The following ADGRL3 variants were observed in gnomAD, a reference collection of about 807,000 sequenced individuals.
The protein encoded by ADGRL3 is calcium-independent alpha-latrotoxin receptor 3.
In ADGRL3, 62 loss-of-function variants were observed where a neutral mutation model predicts 153.5. The observed-to-expected ratio is 0.40, with a 90% CI of 0.33 to 0.50. ADGRL3 has a LOEUF of 0.50. ADGRL3 is among the 20% of genes least tolerant of loss of function. The probability of loss-of-function intolerance (pLI) is 0.47; values close to 1 mark genes in which losing one functional copy is unlikely to be tolerated. For synonymous variants in ADGRL3, 710 were observed against 672.5 expected (o/e 1.06, Z -0.86); for missense variants, 1,641 against 1,859.4 (o/e 0.88, Z 2.16).
intron 1 of ADGRL3, among the ~76,000 whole-genome samples, chr4:61,316,584 T>G (rs2095221860): frequency 6.6e-6 from 1 of 152,192 alleles, no homozygotes; most frequent in African/African-American, 2.4e-5. Flanking sequence ...ATCATCTGGT[T>G]GCTGTATGCA....
chr4:61,761,761 C>G (rs962590877), intron 8 of ADGRL3, among the ~76,000 whole-genome samples: 1 of 152,196 alleles, frequency 6.6e-6, no homozygotes, highest in East Asian at 1.9e-4. Flanking sequence ...GCGACCCCAT[C>G]TCTACAAAAA....
chr4:61,580,316 G>A lies in ADGRL3; in HGVS notation c.260-6911G>A, dbSNP rs530276718. On this transcript the variant is annotated intron_variant, in intron 4 of 26. Transcript: ENST00000683033. ...CAGTGAGATGCAGGGGCAAAAAATC[G>A]TTTTTAGCACCTATTAGTAATTCAA... is the stretch of plus-strand genomic sequence containing the variant. Among the ~76,000 whole-genome samples the A allele has an allele frequency of 1.6e-4, 24 of 151,958 alleles. No individual in the cohort carries two copies. The South Asian group carries it at 4.2e-3, about 26-fold the overall frequency.
chr4:61,996,183 C>A, intron 19 of ADGRL3, 108 bp from the exon 20 acceptor site: 1 of 690,124 alleles, frequency 1.4e-6, no homozygotes, highest in Non-Finnish European at 2.6e-6. Flanking sequence ...TTCCTGTCTC[C>A]CAGTGGAATG....
intron 2 of ADGRL3, chr4:61,420,131 A>T (rs1302788095): frequency 1.3e-5 from 2 of 152,020 alleles, no homozygotes; most frequent in Non-Finnish European, 2.9e-5. Context: ...CGATCTTTTT[A>T]ATTTCCTTTA....
intron 6 of ADGRL3, among the ~76,000 whole-genome samples, chr4:61,711,546 A>G (rs1307337018): frequency 6.9e-6 from 1 of 144,276 alleles, no homozygotes; most frequent in Non-Finnish European, 1.5e-5. Flanking sequence ...TAAAAGAAAA[A>G]CTTCAGGCAC....
At chr4:61,422,890 CTTGGT>C (rs1325674317) in intron 2 of ADGRL3, among the ~76,000 whole-genome samples, 1 of 151,784 alleles carries the variant, frequency 6.6e-6, no homozygotes, top group African/African-American at 2.4e-5. Context: ...GGGTTGCTAT[CTTGGT>C]TTGGCAAAAA....
chr4:61,911,562 G>A (rs2098721881), intron 12 of ADGRL3, among the ~76,000 whole-genome samples: 1 of 152,102 alleles, frequency 6.6e-6, no homozygotes, highest in Non-Finnish European at 1.5e-5. Flanking sequence ...TATCAGATTT[G>A]CAAAGTCAAC....
chr4:61,822,240 T>A (rs1239233556), intron 9 of ADGRL3, among the ~76,000 whole-genome samples: 1 of 152,192 alleles, frequency 6.6e-6, no homozygotes, highest in Non-Finnish European at 1.5e-5. Context: ...ATTTTTATTG[T>A]TATTTAGAGT....
chr4:61,781,595 A>G (rs1260906297), intron 8 of ADGRL3, among the ~76,000 whole-genome samples: 1 of 152,158 alleles, frequency 6.6e-6, no homozygotes, highest in African/African-American at 2.4e-5. Flanking sequence ...CAATTTAGAA[A>G]TGAAAATACA....
At chr4:62,019,336 T>C (rs1351688606) in intron 21 of ADGRL3, among the ~76,000 whole-genome samples, 2 of 152,082 alleles carry the variant, frequency 1.3e-5, no homozygotes, top group Non-Finnish European at 2.9e-5. Flanking sequence ...GTCATATGCA[T>C]ATATACATAT....
intron 8 of ADGRL3, among the ~76,000 whole-genome samples, chr4:61,765,471 G>C (rs1305142399): frequency 6.6e-6 from 1 of 152,088 alleles, no homozygotes; most frequent in African/African-American, 2.4e-5. Flanking sequence ...GTTTTTAAAA[G>C]ACCTTTAGTC....
At chr4:61,766,491 A>G (rs535292497) in intron 8 of ADGRL3, among the ~76,000 whole-genome samples, 2 of 152,126 alleles carry the variant, frequency 1.3e-5, no homozygotes, top group African/African-American at 2.4e-5. Context: ...CTCGCTAACC[A>G]TGCCTAGGAA....
At chr4:61,709,566 C>T (rs1275544302) in intron 6 of ADGRL3, among the ~76,000 whole-genome samples, 1 of 151,942 alleles carries the variant, frequency 6.6e-6, no homozygotes, top group Non-Finnish European at 1.5e-5. Context: ...GGGACTGAAG[C>T]AAAGAAAGAT....
intron 12 of ADGRL3, among the ~76,000 whole-genome samples, chr4:61,911,589 G>A (rs186495965): frequency 6.6e-6 from 1 of 152,038 alleles, no homozygotes; most frequent in Admixed American, 6.6e-5. Context: ...CAAATCAATC[G>A]TGCTCTGTAT....
intron 5 of ADGRL3, among the ~76,000 whole-genome samples, chr4:61,594,753 T>G (rs1278803712): frequency 6.6e-6 from 1 of 152,150 alleles, no homozygotes; most frequent in African/African-American, 2.4e-5. Flanking sequence ...GCCATTCCCT[T>G]CAAGGTAGTG....
chr4:61,407,836 A>G (rs1374347129), intron 2 of ADGRL3, among the ~76,000 whole-genome samples: 1 of 152,192 alleles, frequency 6.6e-6, no homozygotes, highest in Non-Finnish European at 1.5e-5. Flanking sequence ...TGAATTCACT[A>G]GAGAATGAAT....
At chr4:61,542,940 C>T (rs1265824469) in intron 4 of ADGRL3, among the ~76,000 whole-genome samples, 2 of 152,164 alleles carry the variant, frequency 1.3e-5, no homozygotes, top group Non-Finnish European at 1.5e-5. Flanking sequence ...GACTTCTCAG[C>T]ATTGTATGAC....
chr4:62,050,044 C>T (rs1733275938), intron 25 of ADGRL3, among the ~76,000 whole-genome samples: 1 of 152,008 alleles, frequency 6.6e-6, no homozygotes, highest in Non-Finnish European at 1.5e-5. Context: ...TAAAACCCAT[C>T]ATTCACTACC....
chr4:61,767,455 T>A (rs2097007004), intron 8 of ADGRL3, among the ~76,000 whole-genome samples: 1 of 151,882 alleles, frequency 6.6e-6, no homozygotes, highest in Admixed American at 6.6e-5. Context: ...GTAGCCTCCG[T>A]ATTGATTAAG....
Sources: allele counts gnomAD v4.1 joint callset (sites outside exome capture counted in the v4.1 genomes callset), GRCh38; gene constraint gnomAD v4.1.1; transcripts MANE v1.5; gene names NCBI Gene and HGNC (gene_info 2026-07-23, HGNC 2026-07-21).